ATG7: variants seen among roughly 807,000 people sequenced by gnomAD.
ATG7 encodes the protein autophagy related 7.
A neutral mutation model predicts 82.4 loss-of-function variants in ATG7; 70 were observed. That is an observed-to-expected ratio of 0.85 (90% confidence interval 0.70 to 1.04). The LOEUF is 1.04. Ranked by LOEUF, ATG7 falls within the 50% of genes least tolerant of loss-of-function variation. ATG7 has a pLI of 0.00. For missense variants in ATG7, 792 were observed against 864.3 expected, an observed-to-expected ratio of 0.92 and a Z score of 1.05; for synonymous variants, 287 against 313.0, an observed-to-expected ratio of 0.92 and a Z score of 0.88.
chr3:11,327,322 A>G (rs1045819794), intron 9 of ATG7, among the ~76,000 whole-genome samples: 3 of 152,188 alleles, frequency 2.0e-5, no homozygotes, highest in African/African-American at 7.2e-5. Context: ...ATTTCTTACA[A>G]TTGTGTATAT....
chr3:11,573,327 GAAAGAAAGAAAGAAAGAAAGA>G, the ATG7 span, among the ~76,000 whole-genome samples: 2 of 39,518 alleles, frequency 5.1e-5, no homozygotes, highest in East Asian at 1.6e-3. Context: ...AAGAAAGAAA[GAAAGAAAGAAAGAAAGAAAGA>G]AAGAAAGAAA....
chr3:11,391,062 C>T (rs1356252629), intron 19 of ATG7, among the ~76,000 whole-genome samples: 4 of 152,084 alleles, frequency 2.6e-5, no homozygotes, highest in African/African-American at 4.8e-5. Context: ...CAGTGTTTTC[C>T]GTTGATCTTT....
At chr3:11,277,949 C>A (rs1372790553) in intron 1 of ATG7, among the ~76,000 whole-genome samples, 1 of 123,122 alleles carries the variant, frequency 8.1e-6, no homozygotes, top group Non-Finnish European at 1.6e-5. Flanking sequence ...ATTAATATTT[C>A]TTGCTAGGAA....
intron 14 of ATG7, among the ~76,000 whole-genome samples, chr3:11,351,562 G>T (rs1225334142): frequency 1.3e-5 from 2 of 152,202 alleles, no homozygotes; most frequent in Admixed American, 1.3e-4. Context: ...GCCTGAGAGA[G>T]CAAGTCCAAC....
chr3:11,285,760 A>G (rs892233316), intron 3 of ATG7, among the ~76,000 whole-genome samples: 3 of 152,128 alleles, frequency 2.0e-5, no homozygotes, highest in Non-Finnish European at 4.4e-5. Flanking sequence ...AGATAAAATT[A>G]TTCTTACTAT....
intron 20 of ATG7, among the ~76,000 whole-genome samples, chr3:11,459,099 G>A (rs1055306741): frequency 2.7e-5 from 4 of 150,114 alleles, no homozygotes; most frequent in Non-Finnish European, 5.9e-5. Context: ...TGGCCTAGGC[G>A]ATCACTTCTC....
In ATG7 at chr3:11,477,238, C is replaced by A. The variant is rs115439067; in HGVS notation, c.2079+50312C>A. On this transcript the variant is annotated intron_variant, in intron 20 of 20. Coordinates refer to ENST00000693202, the MANE Select transcript of ATG7 (RefSeq NM_001349232.2). ...TGAATGGAATCTTTTATTCCTCGCC[C>A]ATCTGATTCTTGGCTGCTTTGTTCC... 2.2e-3 allele frequency: 2,844 copies of A among 1,280,988 alleles called. 59 individuals carry two copies. The African/African-American group carries it at 0.039, about 18-fold the overall frequency. The allele number at this position is 1,280,988 out of a possible 1,614,324, so 79.4% of individuals were successfully genotyped here.
At chr3:11,337,417 G>A (rs1234660350) in intron 11 of ATG7, among the ~76,000 whole-genome samples, 2 of 152,016 alleles carry the variant, frequency 1.3e-5, no homozygotes, top group Non-Finnish European at 2.9e-5. Context: ...AAGTGCCACT[G>A]CACTCCAGCC....
chr3:11,300,873 C>T (rs921539951), intron 5 of ATG7, among the ~76,000 whole-genome samples: 4 of 152,056 alleles, frequency 2.6e-5, no homozygotes, highest in Non-Finnish European at 5.9e-5. Flanking sequence ...GTGTTCTGGG[C>T]ACGTTTAAGG....
rs1389118798 is a variant in ATG7 at position 11,358,498 on chromosome 3, C to T, written c.1365C>T (p.Arg455=). 6.2e-7 allele frequency: 1 copy of T among 1,614,118 alleles called. No homozygotes were observed. The highest frequency in any genetic ancestry group is 1.7e-5 in the Admixed American group (1 of 60,024). The part of the protein sequence containing the change: ...NFSSVTLEQA[R]RDVEQLEQLI... ...CCAGTGTCACTCTGGAGCAAGCCCG[C>T]AGAGATGTGGAGCAACTGGAGCAGC... The change falls in exon 15 of 21, where the codon CGC becomes CGT. Residue 455 remains arginine (R), a synonymous_variant. Transcript: ENST00000693202.
intron 20 of ATG7, among the ~76,000 whole-genome samples, chr3:11,433,388 G>T (rs921177363): frequency 6.7e-6 from 1 of 149,626 alleles, no homozygotes; most frequent in Non-Finnish European, 1.5e-5. Context: ...ACAAAAATTT[G>T]CTGTGACTTA....
At chr3:11,533,333 A>G (rs1161483010) in intron 20 of ATG7, among the ~76,000 whole-genome samples, 1 of 152,216 alleles carries the variant, frequency 6.6e-6, no homozygotes, top group Admixed American at 6.5e-5. Context: ...TTTATATGGT[A>G]AACCTCCTCT....
intron 19 of ATG7, among the ~76,000 whole-genome samples, chr3:11,384,609 TA>T (rs1470186988): frequency 6.6e-6 from 1 of 152,214 alleles, no homozygotes. Context: ...CCTGTCCATT[TA>T]TTTTTTTGAT....
rs760208581 is a variant in ATG7 at position 11,368,229 on chromosome 3, TAAAA to T, written c.1875+3515_1875+3518del. On this transcript the variant is annotated intron_variant, in intron 18 of 20. Coordinates refer to ENST00000693202, the MANE Select transcript of ATG7 (RefSeq NM_001349232.2). Reference sequence around the variant, plus strand: ...TTCCCATCAACAGTGTTCTTTTACTTAAAAAAAAAAAAAAAAAAAAAAAGAAGAA... The same window carrying T: ...TTCCCATCAACAGTGTTCTTTTACTTAAAAAAAAAAAAAAAAAAAGAAGAA... Among the ~76,000 whole-genome samples, 23 of 109,342 alleles carry T rather than the reference TAAAA, an allele frequency of 2.1e-4. No individual in the cohort carries two copies. In the East Asian group the frequency reaches 2.8e-3, roughly 13 times the overall value. 71.7% of individuals were successfully genotyped at this position (109,342 alleles called of 152,430 possible). A position where few individuals can be genotyped will look rare whatever the true frequency, so the allele number is the denominator to read the frequency against.
chr3:11,509,472 GGTGCA>G (rs1398452681), intron 20 of ATG7, among the ~76,000 whole-genome samples: 1 of 151,958 alleles, frequency 6.6e-6, no homozygotes, highest in Non-Finnish European at 1.5e-5. Flanking sequence ...CACAAAGCCT[GGTGCA>G]ACTCCTTGTA....
downstream of ATG7, among the ~76,000 whole-genome samples, chr3:11,560,858 G>A (rs970282839): frequency 3.9e-5 from 6 of 152,190 alleles, no homozygotes; most frequent in South Asian, 2.1e-4. Context: ...GAATGTCCAC[G>A]TTCTGCCTGT....
At position 11,277,891 on chromosome 3, in the gene ATG7, A is replaced by ACCCCCCCCCCCCCCCCCCCCCC. The variant is rs71626995; in HGVS notation, c.-365-3090_-365-3089insCCCCCCCCCCCCCCCCCCCCCC. Among the ~76,000 whole-genome samples, 5 of 60,770 alleles carry ACCCCCCCCCCCCCCCCCCCCCC rather than the reference A, an allele frequency of 8.2e-5. 1 individual carries two copies. The highest frequency in any genetic ancestry group is 8.1e-4 in the Admixed American group (3 of 3,682). 39.9% of individuals were successfully genotyped at this position (60,770 alleles called of 152,430 possible). Reference sequence around the variant, plus strand: ...ACACTCCCAGAGCGGCCCTTTATAGACCCCCCCCCCCCCACCAGGAATGCA... The same window carrying ACCCCCCCCCCCCCCCCCCCCCC: ...ACACTCCCAGAGCGGCCCTTTATAGACCCCCCCCCCCCCCCCCCCCCCCCCCCCCCCCCCCACCAGGAATGCA... On this transcript the variant is annotated intron_variant, in intron 1 of 20. Transcript: ENST00000693202.
intron 19 of ATG7, among the ~76,000 whole-genome samples, chr3:11,417,810 A>ATTTTTTTT (rs368598930): frequency 6.1e-5 from 6 of 97,986 alleles, no homozygotes; most frequent in South Asian, 3.4e-4. Flanking sequence ...ATTTTATTTT[A>ATTTTTTTT]TTTTATTTTT....
At chr3:11,352,097 C>T (rs540344818) in intron 14 of ATG7, among the ~76,000 whole-genome samples, 5 of 150,776 alleles carry the variant, frequency 3.3e-5, no homozygotes, top group East Asian at 2.0e-4. Context: ...TGAGAACACG[C>T]GGTGTTTGGT....
Sources: allele counts gnomAD v4.1 joint callset (sites outside exome capture counted in the v4.1 genomes callset), GRCh38; gene constraint gnomAD v4.1.1; transcripts MANE v1.5; gene names NCBI Gene and HGNC (gene_info 2026-07-23, HGNC 2026-07-21).